Variants in CAMK1G observed in about 807,000 individuals in gnomAD.
The protein encoded by CAMK1G is calcium/calmodulin-dependent protein kinase type 1G.
A neutral mutation model predicts 54.8 loss-of-function variants in CAMK1G; 27 were observed. The observed-to-expected ratio is 0.49, with a 90% CI of 0.36 to 0.68. The LOEUF (loss-of-function observed/expected upper bound fraction) is 0.68, where lower values mean the gene tolerates loss of function less well. CAMK1G is among the 30% of genes least tolerant of loss of function. The probability of loss-of-function intolerance (pLI) is 0.00; values close to 1 mark genes in which losing one functional copy is unlikely to be tolerated. For missense variants in CAMK1G, 512 were observed against 591.0 expected, an observed-to-expected ratio of 0.87 and a Z score of 1.39; for synonymous variants, 238 against 224.9, an observed-to-expected ratio of 1.06 and a Z score of -0.52.
chr1:209,606,460 G>A lies in CAMK1G; in HGVS notation c.559+17G>A, dbSNP rs880783. On this transcript the variant is annotated intron_variant, in intron 6 of 12. Coordinates refer to ENST00000361322, the MANE Select transcript of CAMK1G (RefSeq NM_020439.3). ...GCTACGTGGGTAAGTCTGGGAGCAG[G>A]AGGAAGGTTGACCAGTTGGCTACAT... The A allele has an allele frequency of 0.15, 233,733 of 1,611,092 alleles. 17,544 individuals carry two copies. The highest frequency in any genetic ancestry group is 0.17 in the Middle Eastern group (1,018 of 6,048).
At chr1:209,601,671 T>A (rs998858800) in intron 3 of CAMK1G, among the ~76,000 whole-genome samples, 2 of 152,220 alleles carry the variant, frequency 1.3e-5, no homozygotes, top group African/African-American at 4.8e-5. Context: ...ATTGATAAAT[T>A]AATGTTAGCA....
intron 3 of CAMK1G, among the ~76,000 whole-genome samples, chr1:209,600,418 A>T (rs1165607897): frequency 6.6e-6 from 1 of 152,230 alleles, no homozygotes; most frequent in Non-Finnish European, 1.5e-5. Context: ...GGAACAATTA[A>T]TAATTAAGGA....
chr1:209,594,897 T>G, intron 1 of CAMK1G, 58 bp from the exon 2 acceptor site: 1 of 997,060 alleles, frequency 1.0e-6, no homozygotes, highest in Non-Finnish European at 1.5e-6. Flanking sequence ...TAATCTTGTT[T>G]GAGAAAGCAG....
At chr1:209,609,382 G>A (rs943972985) in intron 8 of CAMK1G, among the ~76,000 whole-genome samples, 2 of 152,212 alleles carry the variant, frequency 1.3e-5, no homozygotes, top group Admixed American at 6.5e-5. Context: ...AGGTGGTGAG[G>A]GGAGAGTTCC....
At chr1:209,605,302 CAGAG>C (rs748375591) in intron 4 of CAMK1G, among the ~76,000 whole-genome samples, 4 of 152,174 alleles carry the variant, frequency 2.6e-5, no homozygotes, top group Admixed American at 2.6e-4. Context: ...AGGAAATTTT[CAGAG>C]AGAGAGGTCA....
intron 1 of CAMK1G, among the ~76,000 whole-genome samples, chr1:209,587,572 A>T (rs1388210310): frequency 6.6e-6 from 1 of 152,036 alleles, no homozygotes; most frequent in Non-Finnish European, 1.5e-5. Flanking sequence ...ACAGAGAGTC[A>T]CCCAGGACTA....
Position 209,597,569 on chromosome 1 carries a change from C to T in CAMK1G, c.93-2414C>T, listed in dbSNP as rs182116915. ...AATGGAAACACTCACCTTTTAATTT[C>T]CAGTGTCTAATACTCAGTAGGTGTT... On this transcript the variant is annotated intron_variant, in intron 2 of 12. Transcript: ENST00000361322. Among the ~76,000 whole-genome samples the T allele has an allele frequency of 8.1e-3, 1,235 of 152,264 alleles. 11 individuals are homozygous for T. The highest frequency in any genetic ancestry group is 0.012 in the Non-Finnish European group (798 of 68,024).
intron 2 of CAMK1G, among the ~76,000 whole-genome samples, chr1:209,596,248 C>G (rs1048389472): frequency 9.9e-5 from 15 of 152,202 alleles, no homozygotes; most frequent in Non-Finnish European, 1.6e-4. Flanking sequence ...GGCCTTCCAT[C>G]AAAGGCCTTT....
intron 2 of CAMK1G, among the ~76,000 whole-genome samples, chr1:209,597,613 G>A (rs1024144503): frequency 1.3e-5 from 2 of 152,230 alleles, no homozygotes; most frequent in African/African-American, 4.8e-5. Context: ...CTTGGTTGAA[G>A]GGATGAGTAA....
intron 2 of CAMK1G, among the ~76,000 whole-genome samples, chr1:209,597,177 G>T (rs773947782): frequency 6.6e-6 from 1 of 152,160 alleles, no homozygotes; most frequent in Non-Finnish European, 1.5e-5. Context: ...TGAAAAAGGT[G>T]CTCTTTTATC....
rs1443022876 is a variant in CAMK1G at position 209,583,762 on chromosome 1, C to T, written c.-40C>T. The stretch of plus-strand genomic sequence containing the variant: ...GTGGGAGCTCAAGCAGGATTCTTCC[C>T]GAGTCCCTGGGTAAGACAACCCTGC... On this transcript the variant is annotated 5_prime_UTR_variant, in exon 1 of 13. Coordinates refer to ENST00000361322, the MANE Select transcript of CAMK1G (RefSeq NM_020439.3). 3 of 152,186 alleles carry T rather than the reference C, an allele frequency of 2.0e-5. No homozygotes were observed. The highest frequency in any genetic ancestry group is 2.9e-5 in the Non-Finnish European group (2 of 68,066). 9.4% of individuals were successfully genotyped at this position (152,186 alleles called of 1,614,324 possible).
rs1317940530 is a variant in CAMK1G, at chr1:209,605,638, C to G, written c.399C>G (p.Tyr133Ter). 5 of 1,614,034 alleles carry G rather than the reference C, an allele frequency of 3.1e-6. No individual in the cohort carries two copies. Among genetic ancestry groups the G allele is most frequent in the Non-Finnish European group, 4.2e-6 (5 of 1,179,984 alleles). The change falls in exon 5 of 13, where the codon TAC becomes TAG. Residue 133 changes from tyrosine (Y) to a stop codon, truncating the protein, a stop_gained. Coordinates refer to ENST00000361322, the MANE Select transcript of CAMK1G (RefSeq NM_020439.3). LOFTEE classifies it high-confidence loss of function. ...AGCAGGTCTTGTCGGCAGTGAAATA[C>G]CTACATGAGAATGGCATCGTCCACA... ...VIQQVLSAVKYLHENGIVHRD... is the reference protein window; with the variant it reads ...VIQQVLSAVK
intron 3 of CAMK1G, among the ~76,000 whole-genome samples, chr1:209,601,825 C>T (rs1004102402): frequency 6.6e-6 from 1 of 152,182 alleles, no homozygotes; most frequent in Non-Finnish European, 1.5e-5. Flanking sequence ...TGCATTATCT[C>T]CTTTTATCCT....
chr1:209,612,107 C>T lies in CAMK1G; in HGVS notation c.1231C>T (p.Leu411=), dbSNP rs775764837. Residue 411 remains leucine, a synonymous_variant, in exon 11 of 13, where the codon CTG becomes TTG. Coordinates refer to ENST00000361322, the MANE Select transcript of CAMK1G (RefSeq NM_020439.3). ...CCTGGTGCCCATGCATCAGGGGTCCCTGGCCGCCGGGCCCTGTGGCTGCTG... is the reference window on the plus strand; with the variant it reads ...CCTGGTGCCCATGCATCAGGGGTCCTTGGCCGCCGGGCCCTGTGGCTGCTG... ...SSLVPMHQGS[L]AAGPCGCCSS... is the part of the protein sequence containing the mutation. 9.9e-6 allele frequency: 16 copies of T among 1,614,186 alleles called. No homozygotes were observed. Among genetic ancestry groups the T allele is most frequent in the Non-Finnish European group, 1.4e-5 (16 of 1,179,980 alleles).
chr1:209,607,771 C>T, intron 6 of CAMK1G, 87 bp from the exon 7 acceptor site: 1 of 1,059,424 alleles, frequency 9.4e-7, no homozygotes. Flanking sequence ...CTTCCCCAGA[C>T]CTCTTCTCTA....
intron 11 of CAMK1G, 36 bp downstream of exon 11, chr1:209,612,252 G>T (rs749728302): frequency 6.2e-7 from 1 of 1,603,034 alleles, no homozygotes; most frequent in South Asian, 1.1e-5. Flanking sequence ...GCCCCAGCTT[G>T]GGTCTGAAAG....
At position 209,613,236 on chromosome 1, in the gene CAMK1G, G is replaced by C; in HGVS notation, c.*234G>C. ...GAAGCCTTGTTGAAGCTGTGAGCAG[G>C]AGAAGCGGTGCCCACCAGCTTCCAG... On this transcript the variant is annotated 3_prime_UTR_variant, in exon 13 of 13. Transcript: ENST00000361322. The C allele has an allele frequency of 4.1e-6, 1 of 246,372 alleles. No homozygotes were observed. The highest frequency in any genetic ancestry group is 5.6e-5 in the South Asian group (1 of 17,736). The allele number at this position is 246,372 out of a possible 1,614,324, so 15.3% of individuals were successfully genotyped here. A position where few individuals can be genotyped will look rare whatever the true frequency, so the allele number is the denominator to read the frequency against.
intron 5 of CAMK1G, 130 bp from the exon 6 acceptor site, chr1:209,606,190 T>C (rs1665645704): frequency 1.7e-6 from 2 of 1,173,300 alleles, no homozygotes; most frequent in Admixed American, 2.1e-5. Flanking sequence ...AAGGGAAGAA[T>C]GGGGGAGGAT....
chr1:209,594,178 T>C (rs957739646), intron 1 of CAMK1G, among the ~76,000 whole-genome samples: 1 of 152,202 alleles, frequency 6.6e-6, no homozygotes, highest in Non-Finnish European at 1.5e-5. Context: ...TTTATCTCTA[T>C]GACAAACCCA....
Sources: allele counts gnomAD v4.1 joint callset (sites outside exome capture counted in the v4.1 genomes callset), GRCh38; gene constraint gnomAD v4.1.1; transcripts MANE v1.5; gene names NCBI Gene and HGNC (gene_info 2026-07-23, HGNC 2026-07-21).